SCNN1G: variants seen among roughly 807,000 people sequenced by gnomAD.
SCNN1G encodes the protein epithelial sodium channel subunit gamma.
In SCNN1G, 27 loss-of-function variants were observed where a neutral mutation model predicts 64.6. The observed-to-expected ratio is 0.42, with a 90% CI of 0.31 to 0.58. SCNN1G has a LOEUF of 0.58. SCNN1G is among the 20% of genes least tolerant of loss of function. The pLI, the probability that SCNN1G is intolerant of heterozygous loss-of-function variation, is 0.18. For synonymous variants in SCNN1G, 330 were observed against 314.2 expected (o/e 1.05, Z -0.53); for missense variants, 743 against 823.4 (o/e 0.90, Z 1.19).
chr16:23,191,419 CTT>C (rs145554100), intron 3 of SCNN1G, among the ~76,000 whole-genome samples: 8,845 of 152,184 alleles, frequency 0.058, 338 homozygotes, highest in Non-Finnish European at 0.074. Context: ...AAAATCAACT[CTT>C]TATATAGATG....
At chr16:23,193,082 A>AC (rs1959737312) in intron 4 of SCNN1G, among the ~76,000 whole-genome samples, 1 of 150,880 alleles carries the variant, frequency 6.6e-6, no homozygotes, top group South Asian at 2.1e-4. Flanking sequence ...AAAAAAAAAA[A>AC]AAAAAAAAAA....
chr16:23,195,181 T>C (rs1446216705), intron 5 of SCNN1G, among the ~76,000 whole-genome samples: 1 of 152,108 alleles, frequency 6.6e-6, no homozygotes, highest in Non-Finnish European at 1.5e-5. Flanking sequence ...CTTCAACATA[T>C]GAATTTGAGG....
Position 23,198,063 on chromosome 16 carries a change from C to A in SCNN1G, c.1077+636C>A, listed in dbSNP as rs369756513. Among the ~76,000 whole-genome samples the A allele has an allele frequency of 4.9e-4, 74 of 152,244 alleles. 3 individuals carry two copies. In the South Asian group the frequency reaches 0.014, roughly 29 times the overall value. The stretch of plus-strand genomic sequence containing the variant: ...CTATCTTTCTGGGCTGCTTAGAGGC[C>A]TATGAGGCATGTCAATAACTGTATT... On this transcript the variant is annotated intron_variant, in intron 6 of 12. Coordinates refer to ENST00000300061, the MANE Select transcript of SCNN1G (RefSeq NM_001039.4).
intron 2 of SCNN1G, among the ~76,000 whole-genome samples, chr16:23,187,667 C>T (rs766021161): frequency 3.1e-4 from 47 of 152,138 alleles, no homozygotes; most frequent in African/African-American, 7.2e-5. Context: ...CCTCAGCTGC[C>T]CCAAACCCTC....
intron 6 of SCNN1G, among the ~76,000 whole-genome samples, chr16:23,199,828 C>T (rs62031874): frequency 0.19 from 28,708 of 151,352 alleles, 2,871 homozygotes; most frequent in Non-Finnish European, 0.22. Context: ...CCCGCCACCA[C>T]GCCTGGCTAA....
In SCNN1G at chr16:23,216,823, A is replaced by C. The variant is rs2141947575; in HGVS notation, c.*1354A>C. The C allele has an allele frequency of 6.6e-6, 1 of 152,302 alleles. No homozygotes were observed. Among genetic ancestry groups the C allele is most frequent in the Non-Finnish European group, 1.5e-5 (1 of 68,030 alleles). 9.4% of individuals were successfully genotyped at this position (152,302 alleles called of 1,614,324 possible). A position where few individuals can be genotyped will look rare whatever the true frequency, so the allele number is the denominator to read the frequency against. ...AAGAAGAAGATTCTGTGACTCATGA[A>C]AATGATATGAGATTCGAATTCCAGT... On this transcript the variant is annotated 3_prime_UTR_variant, in exon 13 of 13. Coordinates refer to ENST00000300061, the MANE Select transcript of SCNN1G (RefSeq NM_001039.4).
rs138871468 is a variant in SCNN1G at position 23,193,290 on chromosome 16, C to A, written c.809+748C>A. Among the ~76,000 whole-genome samples the A allele has an allele frequency of 1.3e-3, 199 of 152,124 alleles. 1 individual carries two copies. Among genetic ancestry groups the A allele is most frequent in the African/African-American group, 4.3e-3 (179 of 41,498 alleles). ...ATGTTCAAATATGTGAGATTTCAAA[C>A]CTTTCACCTTTATGATAACACTCAG... On this transcript the variant is annotated intron_variant, in intron 4 of 12. Transcript: ENST00000300061.
At position 23,213,113 on chromosome 16, in the gene SCNN1G, G is replaced by A; in HGVS notation, c.1443G>A (p.Leu481=). 6 of 1,613,852 alleles carry A rather than the reference G, an allele frequency of 3.7e-6. No homozygotes were observed. Among genetic ancestry groups the A allele is most frequent in the South Asian group, 2.2e-5 (2 of 91,060 alleles). ...TCTCTCCGTTGTAGAAGTGGTTGCT[G>A]CCTGTTCTCACTTGGGACCAAGGCC... ...WPSVVSEKWL[L]PVLTWDQGRQ... The change falls in exon 11 of 13, where the codon CTG becomes CTA. Residue 481 remains leucine (L), a synonymous_variant. Coordinates refer to ENST00000300061, the MANE Select transcript of SCNN1G (RefSeq NM_001039.4).
chr16:23,189,336 C>T (rs779839032), intron 2 of SCNN1G, 35 bp from the exon 3 acceptor site: 9 of 1,607,812 alleles, frequency 5.6e-6, no homozygotes, highest in Non-Finnish European at 6.8e-6. Flanking sequence ...AGGGCCGCCT[C>T]CCCTCTCCCT....
At position 23,215,155 on chromosome 16, in the gene SCNN1G, G is replaced by A. The variant is rs143742457; in HGVS notation, c.1636G>A (p.Val546Ile). The A allele has an allele frequency of 3.6e-4, 579 of 1,614,098 alleles. 3 individuals are homozygous for A. The highest frequency in any genetic ancestry group is 1.6e-4 in the Middle Eastern group (1 of 6,062). The change falls in exon 13 of 13, where the codon GTC (valine) becomes ATC (isoleucine). Residue 546 changes from valine to isoleucine, a missense_variant. Physicochemically the swap from Val to Ile is conservative, Grantham distance 29. Transcript: ENST00000300061. ...GTGGATGAGCTGCTCTGTTGTCTGC[G>A]TCATCGAGATCATCGAGGTCTTCTT... ...GLWMSCSVVC[V>I]IEIIEVFFID... is the part of the protein sequence containing the mutation.
At position 23,212,672 on chromosome 16, in the gene SCNN1G, C is replaced by T; in HGVS notation, c.1295-6C>T. 1 of 1,612,742 alleles carries T rather than the reference C, an allele frequency of 6.2e-7. No homozygotes were observed. Among genetic ancestry groups the T allele is most frequent in the Non-Finnish European group, 8.5e-7 (1 of 1,178,756 alleles). On this transcript the variant is annotated splice_polypyrimidine_tract_variant and splice_region_variant and intron_variant, in intron 8 of 12. Coordinates refer to ENST00000300061, the MANE Select transcript of SCNN1G (RefSeq NM_001039.4). The stretch of plus-strand genomic sequence containing the variant: ...AGCTCATGCTGCCCTCTCCCTTGTC[C>T]CTCAGTGTATTGTTACTACCAACTG...
At chr16:23,205,021 C>G (rs1338181287) in intron 6 of SCNN1G, among the ~76,000 whole-genome samples, 1 of 152,146 alleles carries the variant, frequency 6.6e-6, no homozygotes, top group Non-Finnish European at 1.5e-5. Context: ...CCATGTTAGA[C>G]AGGCTGGTCT....
At position 23,214,747 on chromosome 16, in the gene SCNN1G, A is replaced by T; in HGVS notation, c.1529A>T (p.Asp510Val). ...DLAKLLIFYK[D>V]LNQRSIMESP... ...GCCAAACTCTTGATATTCTACAAAG[A>T]CCTGAACCAGAGATCCATCATGGAG... Residue 510 changes from aspartate to valine, a missense_variant, in exon 12 of 13, where the codon GAC becomes GTC. Coordinates refer to ENST00000300061, the MANE Select transcript of SCNN1G (RefSeq NM_001039.4). 1 of 1,614,144 alleles carries T rather than the reference A, an allele frequency of 6.2e-7. No homozygotes were observed. Among genetic ancestry groups the T allele is most frequent in the Non-Finnish European group, 8.5e-7 (1 of 1,180,004 alleles).
Position 23,186,266 on chromosome 16 carries a change from C to A in SCNN1G, c.-6C>A. 1.2e-6 allele frequency: 2 copies of A among 1,614,202 alleles called. No homozygotes were observed. The highest frequency in any genetic ancestry group is 1.1e-5 in the South Asian group (1 of 91,062). Reference sequence around the variant, plus strand: ...AGAGTCCCGTCCTCAAAGTCCCATCCTCGCCATGGCACCCGGAGAGAAGAT... The same window carrying A: ...AGAGTCCCGTCCTCAAAGTCCCATCATCGCCATGGCACCCGGAGAGAAGAT... On this transcript the variant is annotated 5_prime_UTR_variant, in exon 2 of 13. Transcript: ENST00000300061.
chr16:23,192,386 C>A lies in SCNN1G; in HGVS notation c.653C>A (p.Thr218Asn). ...GACACCTCCGACTGTGCCACCTACACCTTCAGCTCGGGAATCAATGCCATT... is the reference window on the plus strand; with the variant it reads ...GACACCTCCGACTGTGCCACCTACAACTTCAGCTCGGGAATCAATGCCATT... ...SNDTSDCATY[T>N]FSSGINAIQE... Residue 218 changes from threonine (T) to asparagine (N), a missense_variant, in exon 4 of 13, where the codon ACC becomes AAC. Transcript: ENST00000300061. 2 of 1,614,164 alleles carry A rather than the reference C, an allele frequency of 1.2e-6. No individual in the cohort carries two copies. The highest frequency in any genetic ancestry group is 1.1e-5 in the South Asian group (1 of 91,086).
rs550787966 is a variant in SCNN1G, at chr16:23,194,343, G to A, written c.913+69G>A. The A allele has an allele frequency of 1.3e-4, 142 of 1,074,362 alleles. 2 individuals carry two copies. The South Asian group carries it at 1.6e-3, about 12-fold the overall frequency. The allele number at this position is 1,074,362 out of a possible 1,614,324, so 66.6% of individuals were successfully genotyped here. ...TGGACATGGGGGCAGCAGGACAGTG[G>A]GGATGCGGGAGCCCTCTGGAAAAGC... is the stretch of plus-strand genomic sequence containing the variant. On this transcript the variant is annotated intron_variant, in intron 5 of 12. Coordinates refer to ENST00000300061, the MANE Select transcript of SCNN1G (RefSeq NM_001039.4).
intron 3 of SCNN1G, 40 bp downstream of exon 3, chr16:23,189,711 A>G (rs376189063): frequency 3.3e-5 from 52 of 1,593,442 alleles, no homozygotes; most frequent in Admixed American, 1.7e-4. Flanking sequence ...GCTTAGGGGC[A>G]TGGGATGGGC....
In SCNN1G at chr16:23,214,621, G is replaced by A; in HGVS notation, c.1494-91G>A. ...AGGAGCTCAGTGCCTTGGCCATGCT[G>A]CCAGCTTGGGTAGGAGGGAGACAGC... On this transcript the variant is annotated intron_variant, in intron 11 of 12. Transcript: ENST00000300061. 5 of 1,037,910 alleles carry A rather than the reference G, an allele frequency of 4.8e-6. No homozygotes were observed. In the South Asian group the frequency reaches 6.4e-5, roughly 13 times the overall value. The allele number at this position is 1,037,910 out of a possible 1,614,324, so 64.3% of individuals were successfully genotyped here.
chr16:23,199,663 C>CTTTTTTTTTTTTTTTT (rs67132706), intron 6 of SCNN1G, among the ~76,000 whole-genome samples: 9 of 59,654 alleles, frequency 1.5e-4, no homozygotes, highest in African/African-American at 2.0e-4. Flanking sequence ...CTTTTCTTTT[C>CTTTTTTTTTTTTTTTT]TTTTTTTTTT....
Sources: gnomAD v4.1 joint callset for allele counts (sites outside exome capture counted in the v4.1 genomes callset) on GRCh38, gnomAD v4.1.1 for gene constraint, MANE v1.5 for transcripts, NCBI Gene and HGNC (gene_info 2026-07-23, HGNC 2026-07-21) for gene names.